RBMS3: variants seen among roughly 807,000 people sequenced by gnomAD.
RBMS3 encodes the protein RNA binding motif single stranded interacting protein 3.
RBMS3 carries 27 observed loss-of-function variants against 66.8 expected under a neutral mutation model. The ratio of observed to expected loss-of-function variants is 0.40; its 90% CI spans 0.30 to 0.56. The LOEUF (loss-of-function observed/expected upper bound fraction) is 0.56. Ranked by LOEUF, RBMS3 falls within the 20% of genes least tolerant of loss-of-function variation. The pLI is 0.40. For missense variants in RBMS3, 513 were observed against 549.5 expected, an observed-to-expected ratio of 0.93 and a Z score of 0.66; for synonymous variants, 188 against 183.0, an observed-to-expected ratio of 1.03 and a Z score of -0.22.
chr3:29,899,238 G>A (rs1345002557), intron 9 of RBMS3, among the ~76,000 whole-genome samples: 1 of 151,640 alleles, frequency 6.6e-6, no homozygotes, highest in Non-Finnish European at 1.5e-5. Context: ...TATCTCTTTA[G>A]CTCTTACCAC....
chr3:29,580,271 T>G (rs2047278785), intron 3 of RBMS3, among the ~76,000 whole-genome samples: 2 of 152,194 alleles, frequency 1.3e-5, no homozygotes, highest in African/African-American at 4.8e-5. Flanking sequence ...AGCACTTTTT[T>G]CCCACAATTT....
intron 8 of RBMS3, among the ~76,000 whole-genome samples, chr3:29,896,801 A>C (rs2060132970): frequency 1.3e-5 from 2 of 151,598 alleles, no homozygotes; most frequent in South Asian, 4.1e-4. Context: ...AGTCTATAGG[A>C]GCCTATCACA....
intron 12 of RBMS3, among the ~76,000 whole-genome samples, chr3:29,955,879 C>A (rs1011322520): frequency 6.6e-6 from 1 of 152,070 alleles, no homozygotes; most frequent in Non-Finnish European, 1.5e-5. Flanking sequence ...CCTGTTTGCT[C>A]ACTTCATCTT....
At chr3:29,666,109 G>A (rs570345198) in intron 4 of RBMS3, among the ~76,000 whole-genome samples, 3 of 152,206 alleles carry the variant, frequency 2.0e-5, no homozygotes, top group South Asian at 4.2e-4. Context: ...CTGCCTGGAT[G>A]GGTATTCTCC....
intron 3 of RBMS3, among the ~76,000 whole-genome samples, chr3:29,525,781 A>T (rs1288788570): frequency 1.3e-5 from 2 of 152,160 alleles, no homozygotes; most frequent in Non-Finnish European, 2.9e-5. Flanking sequence ...TAGGGGTTAC[A>T]TTCAGTTTCA....
chr3:29,644,383 T>A (rs2049839749), intron 4 of RBMS3, among the ~76,000 whole-genome samples: 1 of 152,204 alleles, frequency 6.6e-6, no homozygotes, highest in African/African-American at 2.4e-5. Context: ...GGGAGGTATA[T>A]GCCACTAGGG....
At chr3:29,998,673 C>T (rs564994533) in intron 14 of RBMS3, among the ~76,000 whole-genome samples, 202 of 152,224 alleles carry the variant, frequency 1.3e-3, no homozygotes, top group Non-Finnish European at 2.3e-3. Flanking sequence ...GGAAAGGATT[C>T]CCTATTGAAT....
chr3:29,561,935 T>C (rs1559470535), intron 3 of RBMS3, among the ~76,000 whole-genome samples: 1 of 152,200 alleles, frequency 6.6e-6, no homozygotes, highest in Non-Finnish European at 1.5e-5. Flanking sequence ...GTGGTTTTTT[T>C]CATAAACTTA....
chr3:29,338,123 G>C (rs2036061202), intron 1 of RBMS3, among the ~76,000 whole-genome samples: 1 of 152,120 alleles, frequency 6.6e-6, no homozygotes, highest in Non-Finnish European at 1.5e-5. Flanking sequence ...GCCATGATCT[G>C]TGCTGTTTCT....
chr3:29,361,686 A>T (rs953564727), intron 1 of RBMS3, among the ~76,000 whole-genome samples: 1 of 152,150 alleles, frequency 6.6e-6, no homozygotes. Context: ...CAGGTACACC[A>T]ATCAGATGTA....
At chr3:29,998,962 C>G (rs1300137209) in intron 14 of RBMS3, among the ~76,000 whole-genome samples, 4 of 152,072 alleles carry the variant, frequency 2.6e-5, no homozygotes, top group African/African-American at 9.7e-5. Flanking sequence ...GCAAAAGAAA[C>G]TACCATCAGA....
chr3:29,505,367 AATCACATGG>A (rs1370055471), intron 3 of RBMS3, among the ~76,000 whole-genome samples: 4 of 151,962 alleles, frequency 2.6e-5, no homozygotes, highest in African/African-American at 9.7e-5. Flanking sequence ...AATTGACTGT[AATCACATGG>A]ATTTGTTTCT....
chr3:30,002,412 C>G (rs1284569740), intron 14 of RBMS3, among the ~76,000 whole-genome samples: 1 of 151,840 alleles, frequency 6.6e-6, no homozygotes, highest in African/African-American at 2.4e-5. Flanking sequence ...CATACACACA[C>G]AACTATATAA....
intron 1 of RBMS3, among the ~76,000 whole-genome samples, chr3:29,352,756 C>G (rs997288787): frequency 6.6e-6 from 1 of 151,980 alleles, no homozygotes; most frequent in African/African-American, 2.4e-5. Flanking sequence ...ATAAACACTT[C>G]CCACCCTGTA....
Position 29,503,285 on chromosome 3 carries a change from C to T in RBMS3, c.307+14786C>T, listed in dbSNP as rs372629775. 3.4e-4 allele frequency among the ~76,000 whole-genome samples: 52 copies of T among 152,164 alleles called. 1 individual carries two copies. The South Asian group carries it at 0.011, about 31-fold the overall frequency. On this transcript the variant is annotated intron_variant, in intron 3 of 14. Coordinates refer to ENST00000383767, the MANE Select transcript of RBMS3 (RefSeq NM_001003793.3). ...TCTCAGAAAGTTCTTCCCCCATCCACGTAGTTTCCTATTGTCTCAAGTTGC... is the reference window on the plus strand; with the variant it reads ...TCTCAGAAAGTTCTTCCCCCATCCATGTAGTTTCCTATTGTCTCAAGTTGC...
At chr3:29,439,434 G>C (rs1046015757) in intron 2 of RBMS3, among the ~76,000 whole-genome samples, 2 of 152,068 alleles carry the variant, frequency 1.3e-5, no homozygotes, top group Admixed American at 6.6e-5. Context: ...TAATATTAGT[G>C]GTGGTAGAAA....
chr3:29,514,709 A>ATATATGTG (rs1433243887), intron 3 of RBMS3, among the ~76,000 whole-genome samples: 4 of 139,722 alleles, frequency 2.9e-5, no homozygotes, highest in African/African-American at 1.1e-4. Flanking sequence ...TGATAGGCAT[A>ATATATGTG]TATATGTGTA....
At position 29,617,890 on chromosome 3, in the gene RBMS3, C is replaced by T. The variant is rs115095986; in HGVS notation, c.399+30685C>T. The stretch of plus-strand genomic sequence containing the variant: ...GTAAACAAGGCAGAGAATGTCCCTG[C>T]GCTTATCGGACTTATATCCAGGGAA... On this transcript the variant is annotated intron_variant, in intron 4 of 14. Coordinates refer to ENST00000383767, the MANE Select transcript of RBMS3 (RefSeq NM_001003793.3). Among the ~76,000 whole-genome samples, 271 of 152,204 alleles carry T rather than the reference C, an allele frequency of 1.8e-3. 1 individual carries two copies. Among genetic ancestry groups the T allele is most frequent in the African/African-American group, 6.3e-3 (263 of 41,536 alleles).
intron 1 of RBMS3, among the ~76,000 whole-genome samples, chr3:29,361,441 T>C (rs143921203): frequency 2.9e-4 from 44 of 152,360 alleles, no homozygotes; most frequent in African/African-American, 1.0e-3. Flanking sequence ...GGGCTTCACT[T>C]TTTGGGTAAC....
Sources: allele counts gnomAD v4.1 joint callset (sites outside exome capture counted in the v4.1 genomes callset), GRCh38; gene constraint gnomAD v4.1.1; transcripts MANE v1.5; gene names NCBI Gene and HGNC (gene_info 2026-07-23, HGNC 2026-07-21).